Variants in ST7 observed in about 807,000 individuals in gnomAD.
The protein encoded by ST7 is suppressor of tumorigenicity 7 protein.
A neutral mutation model predicts 78.7 loss-of-function variants in ST7; 28 were observed. The observed-to-expected ratio is 0.36, with a 90% CI of 0.26 to 0.49. The LOEUF is 0.49. Ranked by LOEUF, ST7 falls within the 20% of genes least tolerant of loss-of-function variation. The pLI, the probability that ST7 is intolerant of heterozygous loss-of-function variation, is 0.99. For missense variants in ST7, 418 were observed against 696.0 expected, an observed-to-expected ratio of 0.60 and a Z score of 4.49; for synonymous variants, 247 against 249.6, an observed-to-expected ratio of 0.99 and a Z score of 0.10.
intron 1 of ST7, among the ~76,000 whole-genome samples, chr7:117,051,954 C>T (rs572009756): frequency 2.0e-5 from 3 of 152,242 alleles, no homozygotes; most frequent in African/African-American, 7.2e-5. Flanking sequence ...AGTCTAGCCA[C>T]CCACATGTTT....
At chr7:116,985,380 GC>G (rs1240934594) in intron 1 of ST7, among the ~76,000 whole-genome samples, 1 of 152,088 alleles carries the variant, frequency 6.6e-6, no homozygotes, top group East Asian at 1.9e-4. Flanking sequence ...CAACCTGTAG[GC>G]CCACATAATT....
chr7:117,166,413 A>T (rs993057616), intron 9 of ST7, among the ~76,000 whole-genome samples: 1 of 151,718 alleles, frequency 6.6e-6, no homozygotes, highest in Non-Finnish European at 1.5e-5. Flanking sequence ...TATTATACTT[A>T]AATATCTCAT....
In ST7 at chr7:117,119,802, ATGT is replaced by A. The variant is rs934846110; in HGVS notation, c.394+87_394+89del. On this transcript the variant is annotated intron_variant, in intron 3 of 15. Coordinates refer to ENST00000323984, the MANE Select transcript of ST7 (RefSeq NM_001369598.1). Reference sequence around the variant, plus strand: ...TGTTACTCATACTAAGAGATTAAGAATGTTGTTATTTAAACATTAGGCTTCAGA... The same window carrying A: ...TGTTACTCATACTAAGAGATTAAGAATGTTATTTAAACATTAGGCTTCAGA... 1.6e-4 allele frequency: 232 copies of A among 1,488,594 alleles called. 1 individual carries two copies. In the Middle Eastern group the frequency reaches 1.9e-3, roughly 12 times the overall value. The allele number at this position is 1,488,594 out of a possible 1,614,324, so 92.2% of individuals were successfully genotyped here.
At chr7:117,079,107 G>A (rs971498298) in intron 1 of ST7, among the ~76,000 whole-genome samples, 1 of 152,126 alleles carries the variant, frequency 6.6e-6, no homozygotes, top group African/African-American at 2.4e-5. Flanking sequence ...GCATGGTTGC[G>A]TCTGTACTAA....
intron 12 of ST7, chr7:117,199,287 G>GT: frequency 6.6e-6 from 1 of 152,446 alleles, no homozygotes; most frequent in Non-Finnish European, 1.5e-5. Flanking sequence ...GGCCTGAGTG[G>GT]TTTTTTGTCT....
chr7:117,118,335 C>T (rs1175292252), intron 2 of ST7: 4 of 152,124 alleles, frequency 2.6e-5, no homozygotes, highest in Non-Finnish European at 5.9e-5. Context: ...AACCTATAGT[C>T]AAAAAGAGTA....
At chr7:117,167,447 T>C (rs1807656768) in intron 9 of ST7, among the ~76,000 whole-genome samples, 1 of 151,702 alleles carries the variant, frequency 6.6e-6, no homozygotes, top group Non-Finnish European at 1.5e-5. Flanking sequence ...AAATAGGAAA[T>C]ACCAAGGAGG....
Position 117,221,977 on chromosome 7 carries a change from T to G in ST7, c.1553T>G (p.Phe518Cys), listed in dbSNP as rs746133386. 6.2e-7 allele frequency: 1 copy of G among 1,613,240 alleles called. No homozygotes were observed. The highest frequency in any genetic ancestry group is 8.5e-7 in the Non-Finnish European group (1 of 1,179,660). The change falls in exon 15 of 16, where the codon TTT becomes TGT. Residue 518 changes from phenylalanine to cysteine, a missense_variant. By Grantham distance (205) the Phe-to-Cys change is radical. Around this residue, in one of 4 missense-constraint regions of ST7, gnomAD observed 288 missense variants for 537.1 expected, o/e 0.54. Transcript: ENST00000323984. Reference sequence around the variant, plus strand: ...AAGGAGCTTCCCTTCTTTATTCTCTTTACTGCTGGATTATGTTCCTTCACA... The same window carrying G: ...AAGGAGCTTCCCTTCTTTATTCTCTGTACTGCTGGATTATGTTCCTTCACA... ...PKKELPFFILFTAGLCSFTAM... is the reference protein window; with the variant it reads ...PKKELPFFILCTAGLCSFTAM...
intron 10 of ST7, among the ~76,000 whole-genome samples, chr7:117,186,286 T>C (rs143571699): frequency 6.6e-6 from 1 of 152,210 alleles, no homozygotes; most frequent in Non-Finnish European, 1.5e-5. Context: ...ATCACTACTC[T>C]TGCACTTTGT....
chr7:117,170,093 G>C (rs545176266), intron 9 of ST7, among the ~76,000 whole-genome samples: 1 of 152,066 alleles, frequency 6.6e-6, no homozygotes, highest in Non-Finnish European at 1.5e-5. Context: ...ATGCCCCCTT[G>C]TTTACCCTTC....
chr7:117,148,490 G>A (rs1235584744), intron 9 of ST7, among the ~76,000 whole-genome samples: 2 of 152,040 alleles, frequency 1.3e-5, no homozygotes, highest in African/African-American at 4.8e-5. Context: ...TATCCCATTC[G>A]TGTTTATAGA....
intron 1 of ST7, among the ~76,000 whole-genome samples, chr7:116,969,222 G>T (rs926436922): frequency 6.6e-6 from 1 of 152,142 alleles, no homozygotes; most frequent in African/African-American, 2.4e-5. Flanking sequence ...CAGTTTTTCA[G>T]ACTTTCCTTG....
At chr7:117,127,599 A>C (rs1182878086) in intron 3 of ST7, among the ~76,000 whole-genome samples, 1 of 151,952 alleles carries the variant, frequency 6.6e-6, no homozygotes, top group Non-Finnish European at 1.5e-5. Context: ...CACTTAGAAC[A>C]GTTTACATCT....
At chr7:117,059,516 TATGG>T (rs1400300246) in intron 1 of ST7, among the ~76,000 whole-genome samples, 1 of 152,100 alleles carries the variant, frequency 6.6e-6, no homozygotes, top group Non-Finnish European at 1.5e-5. Context: ...GTATGTAACA[TATGG>T]AATTTCTGGC....
At chr7:116,974,582 C>T (rs1048779052) in intron 1 of ST7, among the ~76,000 whole-genome samples, 2 of 152,126 alleles carry the variant, frequency 1.3e-5, no homozygotes, top group African/African-American at 2.4e-5. Flanking sequence ...TGAGCCACTG[C>T]GCCGGGCCTT....
intron 1 of ST7, chr7:116,956,870 T>G (rs534436084): frequency 2.8e-6 from 1 of 354,258 alleles, no homozygotes; most frequent in East Asian, 7.5e-5. Flanking sequence ...ATATGCAAGA[T>G]GGGGCTGGGC....
intron 1 of ST7, among the ~76,000 whole-genome samples, chr7:117,044,504 G>A (rs909849965): frequency 6.6e-6 from 1 of 152,000 alleles, no homozygotes; most frequent in East Asian, 1.9e-4. Flanking sequence ...GTGCCACCAC[G>A]CCCATCTAAT....
intron 1 of ST7, among the ~76,000 whole-genome samples, chr7:116,955,370 T>C (rs1209366431): frequency 6.6e-6 from 1 of 152,172 alleles, no homozygotes; most frequent in Admixed American, 6.5e-5. Flanking sequence ...GACTGGCATG[T>C]GGGGAGGTCC....
chr7:117,140,222 C>A (rs1320159867), intron 9 of ST7, among the ~76,000 whole-genome samples: 1 of 152,100 alleles, frequency 6.6e-6, no homozygotes, highest in Non-Finnish European at 1.5e-5. Context: ...TTTATACTTA[C>A]AATTCCATTG....
Sources: gnomAD v4.1 joint callset for allele counts (sites outside exome capture counted in the v4.1 genomes callset) on GRCh38, gnomAD v4.1.1 for gene constraint, gnomAD v4.1.1 regional missense constraint, MANE v1.5 for transcripts, NCBI Gene and HGNC (gene_info 2026-07-23, HGNC 2026-07-21) for gene names.